Variants in CLSTN1 observed in about 807,000 individuals in gnomAD.
The protein encoded by CLSTN1 is calsyntenin-1.
CLSTN1 carries 28 observed loss-of-function variants against 108.3 expected under a neutral mutation model. That is an observed-to-expected ratio of 0.26 (90% CI 0.19 to 0.35). CLSTN1 has a LOEUF of 0.35. Ranked by LOEUF, CLSTN1 falls within the 10% of genes least tolerant of loss-of-function variation. The pLI is 1.00. For missense variants in CLSTN1, 1,157 were observed against 1,302.6 expected, an observed-to-expected ratio of 0.89 and a Z score of 1.72; for synonymous variants, 524 against 534.9, an observed-to-expected ratio of 0.98 and a Z score of 0.28.
At chr1:9,805,576 T>C (rs886933251) in intron 1 of CLSTN1, among the ~76,000 whole-genome samples, 2 of 152,100 alleles carry the variant, frequency 1.3e-5, no homozygotes, top group East Asian at 3.8e-4. Context: ...ACTAAAAATG[T>C]GTTATTTAGG....
At chr1:9,808,437 A>G (rs1654595871) in intron 1 of CLSTN1, among the ~76,000 whole-genome samples, 1 of 152,222 alleles carries the variant, frequency 6.6e-6, no homozygotes, top group Non-Finnish European at 1.5e-5. Context: ...CTTTATAAGC[A>G]TTGTTTATAA....
intron 9 of CLSTN1, among the ~76,000 whole-genome samples, chr1:9,743,616 C>T (rs1434571029): frequency 6.6e-6 from 1 of 152,090 alleles, no homozygotes; most frequent in Non-Finnish European, 1.5e-5. Context: ...GGCACAATCG[C>T]AGCTCATTAC....
chr1:9,816,625 C>T (rs1427513062), intron 1 of CLSTN1, among the ~76,000 whole-genome samples: 2 of 151,002 alleles, frequency 1.3e-5, no homozygotes, highest in Non-Finnish European at 2.9e-5. Flanking sequence ...GTCACCCAGG[C>T]TGGAGTGCAG....
chr1:9,785,389 T>C (rs1653440366), intron 1 of CLSTN1, among the ~76,000 whole-genome samples: 1 of 152,124 alleles, frequency 6.6e-6, no homozygotes, highest in South Asian at 2.1e-4. Flanking sequence ...TGCACAGGTT[T>C]AAGGATTTCT....
intron 1 of CLSTN1, among the ~76,000 whole-genome samples, chr1:9,793,532 C>T (rs913644270): frequency 6.6e-6 from 1 of 151,504 alleles, no homozygotes; most frequent in African/African-American, 2.4e-5. Context: ...ATGCACTCCC[C>T]AACAGAGAAC....
Position 9,734,260 on chromosome 1 carries a change from G to A in CLSTN1, c.2111-118C>T, listed in dbSNP as rs1451521325. Reference sequence around the variant, plus strand: ...CTACATGGCTCTCGTAAGGACCAACGACAGAAGCAAGCGAGAGTTGCTTTC... The same window carrying A: ...CTACATGGCTCTCGTAAGGACCAACAACAGAAGCAAGCGAGAGTTGCTTTC... On this transcript the variant is annotated intron_variant, in intron 14 of 18. Transcript: ENST00000377298. The surrounding 1 kb of genome is among the most constrained non-coding windows in gnomAD (Gnocchi z 4.8). The A allele has an allele frequency of 1.5e-5, 15 of 981,860 alleles. No individual in the cohort carries two copies. The highest frequency in any genetic ancestry group is 2.3e-4 in the Middle Eastern group (1 of 4,310). 60.8% of individuals were successfully genotyped at this position (981,860 alleles called of 1,614,324 possible). A position where few individuals can be genotyped will look rare whatever the true frequency, so the allele number is the denominator to read the frequency against.
Position 9,735,526 on chromosome 1 carries a change from C to G in CLSTN1, c.1824G>C (p.Leu608=). 6.2e-7 allele frequency: 1 copy of G among 1,614,172 alleles called. No individual in the cohort carries two copies. The highest frequency in any genetic ancestry group is 8.5e-7 in the Non-Finnish European group (1 of 1,180,030). ...CGGGCGTGGGGAACTGCCGGGAGTT[C>G]AGGTACGAGATGTGCTGCATGGCCT... ...LDKAMQHISY[L]NSRQFPTPGI... Residue 608 remains leucine, a synonymous_variant, in exon 13 of 19, where the codon CTG becomes CTC. Transcript: ENST00000377298.
chr1:9,801,584 C>T (rs866296739), intron 1 of CLSTN1, among the ~76,000 whole-genome samples: 1 of 152,122 alleles, frequency 6.6e-6, no homozygotes, highest in Non-Finnish European at 1.5e-5. Flanking sequence ...GACAGAGTTT[C>T]GCTCTTGTTG....
intron 1 of CLSTN1, among the ~76,000 whole-genome samples, chr1:9,789,445 G>A (rs1352889683): frequency 3.3e-5 from 5 of 151,460 alleles, no homozygotes; most frequent in Admixed American, 2.7e-4. Flanking sequence ...AAATTGATAA[G>A]ATACCAAAGT....
At chr1:9,762,584 C>T (rs1024944750) in intron 2 of CLSTN1, among the ~76,000 whole-genome samples, 16 of 149,920 alleles carry the variant, frequency 1.1e-4, no homozygotes, top group Non-Finnish European at 2.2e-4. Context: ...TGCCCGCACT[C>T]AACGGCTCTG....
At position 9,730,667 on chromosome 1, in the gene CLSTN1, T is replaced by TTCCTCC. The variant is rs753542464; in HGVS notation, c.2781_2786dup (p.Glu934_Glu935dup). On this transcript the variant is annotated inframe_insertion, in exon 19 of 19. Transcript: ENST00000377298. This position sits in a 1 kb window ranked among gnomAD's most constrained non-coding sequence, Gnocchi z 5.6. ...CCTCGCTTTCCTCTTCCTCTTCCTC[T>TTCCTCC]TCCTCCTCCTCCTCACTGCTGTGCT... 8.1e-6 allele frequency: 13 copies of TTCCTCC among 1,608,824 alleles called. No individual in the cohort carries two copies. Among genetic ancestry groups the TTCCTCC allele is most frequent in the African/African-American group, 4.0e-5 (3 of 74,796 alleles).
intron 1 of CLSTN1, among the ~76,000 whole-genome samples, chr1:9,787,085 G>A (rs1653531290): frequency 1.3e-5 from 2 of 151,186 alleles, no homozygotes; most frequent in African/African-American, 4.8e-5. Context: ...GGCTGAGACT[G>A]CAGTTTAGAG....
At chr1:9,788,257 AAAAAAT>A (rs1421881049) in intron 1 of CLSTN1, among the ~76,000 whole-genome samples, 2 of 151,328 alleles carry the variant, frequency 1.3e-5, no homozygotes, top group Admixed American at 1.3e-4. Flanking sequence ...CCCTGTCTCA[AAAAAAT>A]AAAAATAAAG....
chr1:9,819,397 C>T (rs1655109750), intron 1 of CLSTN1, among the ~76,000 whole-genome samples: 1 of 152,150 alleles, frequency 6.6e-6, no homozygotes, highest in East Asian at 1.9e-4. Flanking sequence ...TTCACTAAGT[C>T]CTGCAGCTAG....
In CLSTN1 at chr1:9,729,259, A is replaced by ATGAT. The variant is rs965525781; in HGVS notation, c.*1245_*1248dup. On this transcript the variant is annotated 3_prime_UTR_variant, in exon 19 of 19. Coordinates refer to ENST00000377298, the MANE Select transcript of CLSTN1 (RefSeq NM_001009566.3). Reference sequence around the variant, plus strand: ...TCAGGGTCACAGAACAGTATTCAAAATGATTGCCCACCTGTTTTAGAAATC... The same window carrying ATGAT: ...TCAGGGTCACAGAACAGTATTCAAAATGATTGATTGCCCACCTGTTTTAGAAATC... 14 of 152,492 alleles carry ATGAT rather than the reference A, an allele frequency of 9.2e-5. No homozygotes were observed. Among genetic ancestry groups the ATGAT allele is most frequent in the African/African-American group, 2.9e-4 (12 of 41,440 alleles). The allele number at this position is 152,492 out of a possible 1,614,324, so 9.4% of individuals were successfully genotyped here. A position where few individuals can be genotyped will look rare whatever the true frequency, so the allele number is the denominator to read the frequency against.
At chr1:9,798,512 C>A (rs976531228) in intron 1 of CLSTN1, among the ~76,000 whole-genome samples, 1 of 152,164 alleles carries the variant, frequency 6.6e-6, no homozygotes, top group Non-Finnish European at 1.5e-5. Context: ...CATGATTCCC[C>A]CACTTATATG....
intron 1 of CLSTN1, among the ~76,000 whole-genome samples, chr1:9,796,397 C>T (rs957004193): frequency 6.6e-6 from 1 of 150,656 alleles, no homozygotes; most frequent in African/African-American, 2.4e-5. Flanking sequence ...GATGGGTGGG[C>T]CAGGCGCGGT....
At chr1:9,740,787 G>A (rs139859274) in intron 10 of CLSTN1, among the ~76,000 whole-genome samples, 21 of 152,182 alleles carry the variant, frequency 1.4e-4, no homozygotes, top group Non-Finnish European at 2.2e-4. Flanking sequence ...TTCAATAAAC[G>A]GATTAATTTA....
intron 1 of CLSTN1, among the ~76,000 whole-genome samples, chr1:9,818,595 G>A (rs1253688402): frequency 1.9e-4 from 29 of 151,958 alleles, no homozygotes; most frequent in Admixed American, 1.9e-3. Flanking sequence ...CCAAAGTGCT[G>A]GGATTACAGG....
Sources: allele counts gnomAD v4.1 joint callset (sites outside exome capture counted in the v4.1 genomes callset), GRCh38; gene constraint gnomAD v4.1.1; non-coding constraint Gnocchi (gnomAD v3.1); transcripts MANE v1.5; gene names NCBI Gene and HGNC (gene_info 2026-07-23, HGNC 2026-07-21).